The following IL12RB2 variants were observed in gnomAD, a reference collection of about 807,000 sequenced individuals.
The protein encoded by IL12RB2 is interleukin-12 receptor subunit beta-2.
IL12RB2 carries 82 observed loss-of-function variants against 89.4 expected under a neutral mutation model. The observed-to-expected ratio is 0.92, with a 90% CI of 0.77 to 1.10. The LOEUF (loss-of-function observed/expected upper bound fraction) is 1.10. Among genes scored for constraint, IL12RB2 ranks in the 50% least tolerant of loss-of-function variants. The pLI, the probability that IL12RB2 is intolerant of heterozygous loss-of-function variation, is 0.00. For missense variants in IL12RB2, 963 were observed against 1,031.9 expected, an observed-to-expected ratio of 0.93 and a Z score of 0.92; for synonymous variants, 368 against 370.1, an observed-to-expected ratio of 0.99 and a Z score of 0.07.
At chr1:67,348,927 C>T (rs186765186) in intron 9 of IL12RB2, among the ~76,000 whole-genome samples, 19 of 152,294 alleles carry the variant, frequency 1.2e-4, no homozygotes, top group Non-Finnish European at 2.5e-4. Flanking sequence ...CTACTTCCAT[C>T]CCACTCCCAC....
chr1:67,316,574 G>A (rs375024537), intron 2 of IL12RB2, among the ~76,000 whole-genome samples: 101 of 151,446 alleles, frequency 6.7e-4, no homozygotes, highest in Admixed American at 1.1e-3. Flanking sequence ...CCCTTTTTTC[G>A]CAAACAAGTC....
At chr1:67,364,911 T>C (rs1034488592) in intron 10 of IL12RB2, among the ~76,000 whole-genome samples, 1 of 152,212 alleles carries the variant, frequency 6.6e-6, no homozygotes. Flanking sequence ...TTCTGGGTCA[T>C]AAAATACACC....
At position 67,328,329 on chromosome 1, in the gene IL12RB2, C is replaced by G; in HGVS notation, c.609C>G (p.Val203=). ...ATTTCACAGCCAAGGTTACTGCTGT[C>G]AATAGTCTTGGAAGCTCCTCTTCAC... ...ESNFTAKVTA[V]NSLGSSSSLP... Residue 203 remains valine, a synonymous_variant, in exon 6 of 17, where the codon GTC becomes GTG. Transcript: ENST00000674203. 6.2e-7 allele frequency: 1 copy of G among 1,614,164 alleles called. No homozygotes were observed. Among genetic ancestry groups the G allele is most frequent in the Non-Finnish European group, 8.5e-7 (1 of 1,180,028 alleles).
intron 14 of IL12RB2, among the ~76,000 whole-genome samples, chr1:67,385,003 C>A (rs1392939125): frequency 6.6e-6 from 1 of 152,358 alleles, no homozygotes; most frequent in South Asian, 2.1e-4. Flanking sequence ...TTCCTGTCTT[C>A]TTCTGAGCCT....
At chr1:67,389,972 G>A in intron 15 of IL12RB2, 57 bp from the exon 16 acceptor site, 1 of 859,254 alleles carries the variant, frequency 1.2e-6, no homozygotes, top group Non-Finnish European at 2.0e-6. Flanking sequence ...GAGAACCTGT[G>A]CTTCCATGCC....
At chr1:67,351,914 T>C (rs1198691120) in intron 10 of IL12RB2, among the ~76,000 whole-genome samples, 1 of 152,202 alleles carries the variant, frequency 6.6e-6, no homozygotes, top group Non-Finnish European at 1.5e-5. Context: ...GTCAAGTTCA[T>C]TGGCCTAACT....
chr1:67,386,872 TTATATATATATATATA>T (rs1179774666), intron 15 of IL12RB2, among the ~76,000 whole-genome samples: 38 of 48,468 alleles, frequency 7.8e-4, no homozygotes, highest in Non-Finnish European at 1.1e-3. Context: ...GAAATGTATT[TTATATATATATATATA>T]TATATATATA....
At chr1:67,325,059 A>G (rs1296821724) in intron 4 of IL12RB2, among the ~76,000 whole-genome samples, 3 of 152,268 alleles carry the variant, frequency 2.0e-5, no homozygotes, top group Non-Finnish European at 2.9e-5. Flanking sequence ...TCTGAGCCTC[A>G]GCTTCTTCAT....
At chr1:67,348,527 A>G (rs556903080) in intron 9 of IL12RB2, among the ~76,000 whole-genome samples, 1 of 152,264 alleles carries the variant, frequency 6.6e-6, no homozygotes, top group Non-Finnish European at 1.5e-5. Context: ...TATAAAATGA[A>G]TCATTGAATT....
Position 67,341,395 on chromosome 1 carries a change from G to A in IL12RB2, c.1038+2692G>A, listed in dbSNP as rs114341345. ...GATCGTGCCATAGTACTCCAGCCTGGGTGACAGAGCAAGACAAAGAAGGAA... is the reference window on the plus strand; with the variant it reads ...GATCGTGCCATAGTACTCCAGCCTGAGTGACAGAGCAAGACAAAGAAGGAA... On this transcript the variant is annotated intron_variant, in intron 9 of 16. Coordinates refer to ENST00000674203, the MANE Select transcript of IL12RB2 (RefSeq NM_001374259.2). Among the ~76,000 whole-genome samples the A allele has an allele frequency of 3.2e-3, 488 of 150,904 alleles. 4 individuals are homozygous for A. Among genetic ancestry groups the A allele is most frequent in the African/African-American group, 0.011 (446 of 41,010 alleles).
chr1:67,386,605 G>A lies in IL12RB2; in HGVS notation c.1882G>A (p.Ala628Thr). ...TAAAGCCAATTGGATGGCGTTTGTGGCACCAAGCATTTGCATTGCTATCAT... is the reference window on the plus strand; with the variant it reads ...TAAAGCCAATTGGATGGCGTTTGTGACACCAAGCATTTGCATTGCTATCAT... ...QGKANWMAFV[A>T]PSICIAIIMV... The change falls in exon 15 of 17, where the codon GCA (alanine) becomes ACA (threonine). Residue 628 changes from alanine to threonine, a missense_variant. By Grantham distance (58) the Ala-to-Thr change is moderately conservative. Coordinates refer to ENST00000674203, the MANE Select transcript of IL12RB2 (RefSeq NM_001374259.2). 1.2e-6 allele frequency: 2 copies of A among 1,613,434 alleles called. No individual in the cohort carries two copies. The highest frequency in any genetic ancestry group is 1.7e-6 in the Non-Finnish European group (2 of 1,179,500).
chr1:67,334,225 T>G (rs1658464916), intron 8 of IL12RB2, among the ~76,000 whole-genome samples: 1 of 152,218 alleles, frequency 6.6e-6, no homozygotes, highest in African/African-American at 2.4e-5. Context: ...TACTAGAGAT[T>G]ATTTTGGATA....
rs141507006 is a variant in IL12RB2, at chr1:67,395,860, C to T, written c.2360C>T (p.Thr787Met). Residue 787 changes from threonine to methionine, a missense_variant, in exon 17 of 17, where the codon ACG becomes ATG. Thr to Met is a moderately conservative substitution (Grantham distance 81). Coordinates refer to ENST00000674203, the MANE Select transcript of IL12RB2 (RefSeq NM_001374259.2). The part of the protein sequence containing the change: ...PKPENPACPW[T>M]VLPAGDLPTH... ...CCCGAAAACCCAGCCTGTCCCTGGA[C>T]GGTGCTCCCAGCAGGTGACCTTCCC... is the stretch of plus-strand genomic sequence containing the variant. 92 of 1,609,320 alleles carry T rather than the reference C, an allele frequency of 5.7e-5. No individual in the cohort carries two copies. The highest frequency in any genetic ancestry group is 1.2e-4 in the African/African-American group (9 of 74,884).
At chr1:67,349,920 G>A (rs1032454276) in intron 9 of IL12RB2, among the ~76,000 whole-genome samples, 1 of 152,214 alleles carries the variant, frequency 6.6e-6, no homozygotes, top group Non-Finnish European at 1.5e-5. Context: ...TGTTAGCCCA[G>A]CCTTTCCTGA....
chr1:67,324,015 A>C (rs989781305), intron 4 of IL12RB2, among the ~76,000 whole-genome samples: 6 of 152,246 alleles, frequency 3.9e-5, no homozygotes, highest in Admixed American at 1.3e-4. Flanking sequence ...TATTAACAAG[A>C]AAACTAAACA....
chr1:67,340,686 TAACA>T (rs1277670285), intron 9 of IL12RB2, among the ~76,000 whole-genome samples: 2 of 152,202 alleles, frequency 1.3e-5, no homozygotes, highest in Non-Finnish European at 2.9e-5. Context: ...CTTTTCACTG[TAACA>T]AACAGAGTTT....
chr1:67,391,388 TACAC>T (rs111985818), intron 16 of IL12RB2, among the ~76,000 whole-genome samples: 4 of 144,428 alleles, frequency 2.8e-5, no homozygotes, highest in African/African-American at 5.1e-5. Context: ...TGTGTGTCTA[TACAC>T]ACACACACAC....
In IL12RB2 at chr1:67,398,705, T is replaced by C. The variant is rs1489981441; in HGVS notation, c.*2616T>C. Among the ~76,000 whole-genome samples, 2 of 152,112 alleles carry C rather than the reference T, an allele frequency of 1.3e-5. No homozygotes were observed. The highest frequency in any genetic ancestry group is 2.9e-5 in the Non-Finnish European group (2 of 68,034). ...TCCATAGTAGCTACCAATAAAAAAG[T>C]AAGCATCATGAACCCAAAAGTATCT... On this transcript the variant is annotated 3_prime_UTR_variant, in exon 17 of 17. Coordinates refer to ENST00000674203, the MANE Select transcript of IL12RB2 (RefSeq NM_001374259.2).
At chr1:67,368,469 A>G (rs1662947262) in intron 11 of IL12RB2, among the ~76,000 whole-genome samples, 1 of 152,236 alleles carries the variant, frequency 6.6e-6, no homozygotes, top group South Asian at 2.1e-4. Context: ...AAATGAGGAA[A>G]CCAGGAAATC....
Sources: allele counts gnomAD v4.1 joint callset (sites outside exome capture counted in the v4.1 genomes callset), GRCh38; gene constraint gnomAD v4.1.1; transcripts MANE v1.5; gene names NCBI Gene and HGNC (gene_info 2026-07-23, HGNC 2026-07-21).